The following PDE1C variants were observed in gnomAD, a reference collection of about 807,000 sequenced individuals.
PDE1C encodes dual specificity calcium/calmodulin-dependent 3',5'-cyclic nucleotide phosphodiesterase 1C.
Under a neutral mutation model 93.1 loss-of-function variants are expected in PDE1C, and 62 were observed. That is an observed-to-expected ratio of 0.67 (90% confidence interval 0.54 to 0.82). The LOEUF is 0.82. PDE1C is among the 40% of genes least tolerant of loss of function. PDE1C has a pLI of 0.00. For missense variants in PDE1C, 742 were observed against 884.6 expected (o/e 0.84, Z 2.04); for synonymous variants, 325 against 310.1 (o/e 1.05, Z -0.50).
At chr7:31,977,248 A>C (rs1811786625) in intron 2 of PDE1C, among the ~76,000 whole-genome samples, 1 of 152,130 alleles carries the variant, frequency 6.6e-6, no homozygotes, top group Non-Finnish European at 1.5e-5. Context: ...AGAGGAAGAG[A>C]GACCTGAGCT....
intron 1 of PDE1C, among the ~76,000 whole-genome samples, chr7:32,367,908 A>C (rs1311794088): frequency 1.3e-5 from 2 of 151,912 alleles, no homozygotes; most frequent in African/African-American, 4.8e-5. Flanking sequence ...ACAGCACTGC[A>C]CTCCAGCCTG....
At chr7:31,995,209 G>C (rs1480955959) in intron 2 of PDE1C, among the ~76,000 whole-genome samples, 1 of 151,988 alleles carries the variant, frequency 6.6e-6, no homozygotes, top group Non-Finnish European at 1.5e-5. Flanking sequence ...TTAACTATAG[G>C]TGTAGCTACT....
intron 1 of PDE1C, among the ~76,000 whole-genome samples, chr7:32,228,812 C>T (rs983235234): frequency 2.0e-5 from 3 of 152,204 alleles, no homozygotes; most frequent in Non-Finnish European, 4.4e-5. Context: ...CTCCTCACAG[C>T]CCAAGACACT....
the PDE1C span, among the ~76,000 whole-genome samples, chr7:31,705,732 A>T: frequency 3.3e-4 from 37 of 111,496 alleles, no homozygotes; most frequent in South Asian, 9.7e-3. Context: ...GAAATGCTTC[A>T]TGGACTGGAA....
At chr7:31,970,795 A>G (rs145600006) in intron 2 of PDE1C, among the ~76,000 whole-genome samples, 108 of 152,342 alleles carry the variant, frequency 7.1e-4, no homozygotes, top group African/African-American at 2.4e-3. Context: ...TCCCAGTCAC[A>G]TGAGCTGTGT....
At chr7:32,023,581 G>C (rs955391833) in intron 2 of PDE1C, among the ~76,000 whole-genome samples, 6 of 151,618 alleles carry the variant, frequency 4.0e-5, no homozygotes, top group Non-Finnish European at 7.4e-5. Context: ...CCGTACCGTG[G>C]ATGACTATTT....
chr7:32,131,608 T>C (rs1799924416), intron 3 of PDE1C, among the ~76,000 whole-genome samples: 1 of 152,120 alleles, frequency 6.6e-6, no homozygotes, highest in Non-Finnish European at 1.5e-5. Flanking sequence ...ATAATTTACT[T>C]ATATTGAATT....
chr7:32,355,939 A>T (rs1158443671), intron 1 of PDE1C, among the ~76,000 whole-genome samples: 7 of 152,206 alleles, frequency 4.6e-5, no homozygotes, highest in Non-Finnish European at 1.5e-5. Flanking sequence ...ATACTCTCAA[A>T]TGTTAAAGTA....
At chr7:32,318,688 C>T (rs74829314) in intron 1 of PDE1C, among the ~76,000 whole-genome samples, 1,926 of 152,284 alleles carry the variant, frequency 0.013, 13 homozygotes, top group Non-Finnish European at 0.021. Context: ...TGAAGGGCTG[C>T]GCGCGTGAGC....
At chr7:31,999,969 G>A (rs1205519722) in intron 2 of PDE1C, among the ~76,000 whole-genome samples, 1 of 152,098 alleles carries the variant, frequency 6.6e-6, no homozygotes, top group Non-Finnish European at 1.5e-5. Flanking sequence ...GGGGAGAGTT[G>A]AGAGAATCAG....
Position 31,753,484 on chromosome 7 carries a change from G to A in PDE1C, c.2030C>T (p.Ser677Leu). The A allele has an allele frequency of 6.2e-7, 1 of 1,612,414 alleles. No individual in the cohort carries two copies. Among genetic ancestry groups the A allele is most frequent in the Non-Finnish European group, 8.5e-7 (1 of 1,179,672 alleles). ...TGCAGGATGCTCATCAGTTTTCTTTGAGACTGAAGGTGCATAGGAGCTAGA... is the reference window on the plus strand; with the variant it reads ...TGCAGGATGCTCATCAGTTTTCTTTAAGACTGAAGGTGCATAGGAGCTAGA... ...YASSSYAPSV[S>L]KKTDEHPARY... The change falls in exon 18 of 18, where the codon TCA becomes TTA. Residue 677 changes from serine (S) to leucine (L), a missense_variant. This residue lies in a region of PDE1C where 454 missense variants were observed against 459.4 expected (regional missense o/e 0.99). Coordinates refer to ENST00000396191, the MANE Select transcript of PDE1C (RefSeq NM_001191057.4).
chr7:32,344,538 C>G (rs985112499), intron 1 of PDE1C, among the ~76,000 whole-genome samples: 2 of 152,138 alleles, frequency 1.3e-5, no homozygotes, highest in Non-Finnish European at 2.9e-5. Context: ...CACCTTGGGG[C>G]TTCTGCACTA....
the PDE1C span, among the ~76,000 whole-genome samples, chr7:31,713,362 G>C: frequency 0.34 from 51,293 of 152,140 alleles, 9,846 homozygotes; most frequent in East Asian, 0.63. Context: ...TGATGCAAGA[G>C]GTGGGCTCCC....
At chr7:32,152,116 C>T (rs1801296473) in intron 3 of PDE1C, among the ~76,000 whole-genome samples, 2 of 152,140 alleles carry the variant, frequency 1.3e-5, no homozygotes, top group South Asian at 4.1e-4. Flanking sequence ...CTCTTGTACC[C>T]CATCTCCTTG....
intron 3 of PDE1C, among the ~76,000 whole-genome samples, chr7:32,152,467 T>G (rs549020991): frequency 6.6e-6 from 1 of 152,244 alleles, no homozygotes; most frequent in East Asian, 1.9e-4. Flanking sequence ...TTTTAAGTAG[T>G]CACTTCAAAG....
chr7:32,249,917 C>G (rs1210263655), intron 1 of PDE1C, among the ~76,000 whole-genome samples: 1 of 152,024 alleles, frequency 6.6e-6, no homozygotes, highest in Non-Finnish European at 1.5e-5. Context: ...GGTAGAGTAT[C>G]AAATAAAGAA....
At chr7:32,395,105 G>A (rs1230679501) in intron 1 of PDE1C, among the ~76,000 whole-genome samples, 1 of 152,220 alleles carries the variant, frequency 6.6e-6, no homozygotes, top group African/African-American at 2.4e-5. Context: ...TGGAAAAGGT[G>A]AGAAATCTGG....
Position 32,402,958 on chromosome 7 carries a change from T to C in PDE1C, c.310+24864A>G, listed in dbSNP as rs112831205. ...AGGAGCCCCAACAAGGGCAAGAATGTGTTAGTGTGTGCCCTGCCTGTCCTA... is the reference window on the plus strand; with the variant it reads ...AGGAGCCCCAACAAGGGCAAGAATGCGTTAGTGTGTGCCCTGCCTGTCCTA... On this transcript the variant is annotated intron_variant, in intron 1 of 1. Coordinates refer to the PDE1C transcript ENST00000672256. 5.9e-3 allele frequency among the ~76,000 whole-genome samples: 895 copies of C among 152,266 alleles called. 7 individuals carry two copies. Among genetic ancestry groups the C allele is most frequent in the Middle Eastern group, 0.02 (6 of 294 alleles).
At chr7:32,112,636 T>A (rs200694741) in intron 3 of PDE1C, among the ~76,000 whole-genome samples, 1 of 151,176 alleles carries the variant, frequency 6.6e-6, no homozygotes, top group East Asian at 2.0e-4. Context: ...TTTTTTTTTT[T>A]TAGAGATGGG....
Sources: gnomAD v4.1 joint callset for allele counts (sites outside exome capture counted in the v4.1 genomes callset) on GRCh38, gnomAD v4.1.1 for gene constraint, gnomAD v4.1.1 regional missense constraint, MANE v1.5 for transcripts, NCBI Gene and HGNC (gene_info 2026-07-23, HGNC 2026-07-21) for gene names.